ANKS1B: variants seen among roughly 807,000 people sequenced by gnomAD.
The protein encoded by ANKS1B is ankyrin repeat and sterile alpha motif domain-containing protein 1B.
A neutral mutation model predicts 148.3 loss-of-function variants in ANKS1B; 36 were observed. That is an observed-to-expected ratio of 0.24 (90% CI 0.19 to 0.32). The LOEUF (loss-of-function observed/expected upper bound fraction) is 0.32. Ranked by LOEUF, ANKS1B falls within the 10% of genes least tolerant of loss-of-function variation. The pLI is 1.00. For missense variants in ANKS1B, 1,157 were observed against 1,542.6 expected (o/e 0.75, Z 4.19); for synonymous variants, 542 against 560.8 (o/e 0.97, Z 0.47).
At chr12:99,680,724 T>A (rs779533922) in intron 8 of ANKS1B, among the ~76,000 whole-genome samples, 32 of 152,080 alleles carry the variant, frequency 2.1e-4, no homozygotes, top group Non-Finnish European at 4.3e-4. Flanking sequence ...CTTTCTCAGC[T>A]CTTAGTGGGT....
chr12:99,433,230 T>A (rs1024653318), intron 11 of ANKS1B, among the ~76,000 whole-genome samples: 22 of 152,090 alleles, frequency 1.4e-4, no homozygotes, highest in Admixed American at 1.3e-4. Flanking sequence ...ACACTGAAGA[T>A]TTTTTGTTCA....
chr12:98,789,686 T>C (rs1448625456), intron 22 of ANKS1B, among the ~76,000 whole-genome samples: 1 of 152,166 alleles, frequency 6.6e-6, no homozygotes, highest in Non-Finnish European at 1.5e-5. Flanking sequence ...GTGTTACCCA[T>C]AGTACTGGCT....
intron 10 of ANKS1B, among the ~76,000 whole-genome samples, chr12:99,461,825 A>G (rs948235202): frequency 1.3e-5 from 2 of 152,212 alleles, no homozygotes; most frequent in African/African-American, 4.8e-5. Flanking sequence ...AGGCTAACCC[A>G]TGTATTTCAT....
chr12:98,780,942 T>A (rs114258837), intron 24 of ANKS1B, among the ~76,000 whole-genome samples, 175 bp downstream of exon 24: 2,465 of 152,026 alleles, frequency 0.016, 62 homozygotes, highest in African/African-American at 0.057. Flanking sequence ...TATGAAGGTG[T>A]GTATGTGTGT....
intron 10 of ANKS1B, among the ~76,000 whole-genome samples, chr12:99,476,229 C>A (rs1320191745): frequency 6.6e-6 from 1 of 151,996 alleles, no homozygotes; most frequent in Non-Finnish European, 1.5e-5. Flanking sequence ...CCCATCTCTA[C>A]TAAAAATAGA....
chr12:99,496,082 A>AT (rs1315147446), intron 10 of ANKS1B, among the ~76,000 whole-genome samples: 1 of 152,108 alleles, frequency 6.6e-6, no homozygotes, highest in Non-Finnish European at 1.5e-5. Context: ...TTTATCAGAG[A>AT]TCATCTATTC....
At chr12:99,493,708 A>G (rs2096576060) in intron 10 of ANKS1B, among the ~76,000 whole-genome samples, 1 of 152,216 alleles carries the variant, frequency 6.6e-6, no homozygotes, top group Non-Finnish European at 1.5e-5. Context: ...GAAATTCAGC[A>G]TGAAGAAAAG....
intron 8 of ANKS1B, among the ~76,000 whole-genome samples, chr12:99,697,467 G>C (rs1478797272): frequency 6.6e-6 from 1 of 152,028 alleles, no homozygotes; most frequent in Admixed American, 6.6e-5. Context: ...ATATTACTAA[G>C]TAAAATAATC....
intron 14 of ANKS1B, among the ~76,000 whole-genome samples, chr12:99,192,121 G>T (rs1364868300): frequency 4.3e-5 from 4 of 94,082 alleles, no homozygotes; most frequent in African/African-American, 1.8e-4. Context: ...GACAGAGCAA[G>T]ACTCCATCTC....
chr12:98,993,444 C>T (rs2099927820), intron 17 of ANKS1B, among the ~76,000 whole-genome samples: 1 of 152,232 alleles, frequency 6.6e-6, no homozygotes, highest in Non-Finnish European at 1.5e-5. Flanking sequence ...GCTGGGATTA[C>T]AGGCCTGAGC....
chr12:99,766,080 T>A (rs1225533294), intron 8 of ANKS1B, among the ~76,000 whole-genome samples: 1 of 152,192 alleles, frequency 6.6e-6, no homozygotes, highest in Non-Finnish European at 1.5e-5. Context: ...CTGGAATTCA[T>A]CTCCAAATAA....
intron 9 of ANKS1B, among the ~76,000 whole-genome samples, chr12:99,646,701 CTGTG>C (rs540206064): frequency 8.1e-4 from 112 of 138,506 alleles, no homozygotes; most frequent in African/African-American, 2.6e-3. Flanking sequence ...GGCTATGGCT[CTGTG>C]TGTGTGTGTG....
chr12:99,632,416 C>T (rs914925220), intron 9 of ANKS1B, among the ~76,000 whole-genome samples: 4 of 151,814 alleles, frequency 2.6e-5, no homozygotes, highest in Non-Finnish European at 5.9e-5. Flanking sequence ...GCAGAGAATC[C>T]TCACTGCATA....
chr12:98,978,188 A>G (rs2099901013), intron 17 of ANKS1B, among the ~76,000 whole-genome samples: 1 of 151,980 alleles, frequency 6.6e-6, no homozygotes, highest in Non-Finnish European at 1.5e-5. Context: ...ATTTATGTCT[A>G]TTACCTTGCT....
chr12:99,004,453 A>G (rs1036474469), intron 17 of ANKS1B, among the ~76,000 whole-genome samples: 1 of 152,170 alleles, frequency 6.6e-6, no homozygotes, highest in African/African-American at 2.4e-5. Flanking sequence ...TACTATTTTT[A>G]TTACTATTTT....
At chr12:99,640,926 T>C (rs1384195091) in intron 9 of ANKS1B, among the ~76,000 whole-genome samples, 6 of 152,126 alleles carry the variant, frequency 3.9e-5, no homozygotes, top group Non-Finnish European at 5.9e-5. Context: ...ATTAGAAAAA[T>C]TAGATCTGCT....
At chr12:99,411,323 G>A (rs2094698815) in intron 11 of ANKS1B, among the ~76,000 whole-genome samples, 1 of 152,158 alleles carries the variant, frequency 6.6e-6, no homozygotes, top group Admixed American at 6.5e-5. Context: ...CTGTTTCTGT[G>A]TTAATTCACT....
intron 11 of ANKS1B, among the ~76,000 whole-genome samples, chr12:99,420,702 T>G (rs1594456531): frequency 6.6e-6 from 1 of 152,200 alleles, no homozygotes; most frequent in South Asian, 2.1e-4. Flanking sequence ...AAAGCAAGTG[T>G]TAAAAAATAC....
chr12:99,888,572 C>G (rs2092940360), intron 1 of ANKS1B, among the ~76,000 whole-genome samples: 1 of 152,158 alleles, frequency 6.6e-6, no homozygotes, highest in African/African-American at 2.4e-5. Context: ...AAGTGCCTTA[C>G]CTGCACTGCA....
Sources: allele counts gnomAD v4.1 joint callset (sites outside exome capture counted in the v4.1 genomes callset), GRCh38; gene constraint gnomAD v4.1.1; transcripts MANE v1.5; gene names NCBI Gene and HGNC (gene_info 2026-07-23, HGNC 2026-07-21).